PPEF2: variants seen among roughly 807,000 people sequenced by gnomAD.
PPEF2 encodes serine/threonine-protein phosphatase with EF-hands 2.
Under a neutral mutation model 84.7 loss-of-function variants are expected in PPEF2, and 84 were observed. The ratio of observed to expected loss-of-function variants is 0.99; its 90% CI spans 0.83 to 1.19. The LOEUF is 1.19. Ranked by LOEUF, PPEF2 falls within the 50% of genes most tolerant of loss-of-function variation. The probability of loss-of-function intolerance (pLI) is 0.00; values close to 1 mark genes in which losing one functional copy is unlikely to be tolerated. For missense variants in PPEF2, 924 were observed against 937.5 expected (o/e 0.99, Z 0.19); for synonymous variants, 346 against 345.2 (o/e 1.00, Z -0.03).
chr4:75,888,169 C>G (rs759523631), intron 6 of PPEF2, 45 bp downstream of exon 6: 120 of 1,439,236 alleles, frequency 8.3e-5, no homozygotes, highest in Middle Eastern at 3.7e-4. Flanking sequence ...GTAGAGCATT[C>G]TTCTTTGTGT....
chr4:75,876,016 C>G (rs904122056), intron 11 of PPEF2, among the ~76,000 whole-genome samples: 1 of 152,166 alleles, frequency 6.6e-6, no homozygotes, highest in Non-Finnish European at 1.5e-5. Flanking sequence ...ACAATAGCAT[C>G]CAACAAATCA....
chr4:75,893,252 C>T (rs113631320), intron 2 of PPEF2, among the ~76,000 whole-genome samples: 2,761 of 152,206 alleles, frequency 0.018, 79 homozygotes, highest in African/African-American at 0.062. Context: ...AATCCTAACA[C>T]TTTGGGAGGC....
chr4:75,897,339 C>T (rs2149230908), intron 1 of PPEF2, among the ~76,000 whole-genome samples: 1 of 152,312 alleles, frequency 6.6e-6, no homozygotes, highest in East Asian at 1.9e-4. Flanking sequence ...GTGGTATATG[C>T]TCCCTGGCTG....
rs373379414 is a variant in PPEF2, at chr4:75,891,665, G to T, written c.224C>A (p.Pro75His). 6 of 1,611,430 alleles carry T rather than the reference G, an allele frequency of 3.7e-6. No individual in the cohort carries two copies. The African/African-American group carries it at 8.0e-5, about 22-fold the overall frequency. The change falls in exon 4 of 17, where the codon CCC becomes CAC. Residue 75 changes from proline to histidine, a missense_variant. Coordinates refer to ENST00000286719, the MANE Select transcript of PPEF2 (RefSeq NM_006239.3). ...FFSYLMDHFI[P>H]SSHNDRDFLT... ...ATACTCACTGTCGTTGTGGCTGCTG[G>T]GGATGAAGTGATCCATGAGATAGCT...
intron 15 of PPEF2, 146 bp downstream of exon 15, chr4:75,866,043 C>A: frequency 1.1e-6 from 1 of 938,140 alleles, no homozygotes; most frequent in Non-Finnish European, 1.6e-6. Flanking sequence ...AAAAGCCTGA[C>A]ACATAGAAAC....
At chr4:75,892,835 C>A (rs964755403) in intron 2 of PPEF2, among the ~76,000 whole-genome samples, 5 of 152,182 alleles carry the variant, frequency 3.3e-5, no homozygotes, top group Admixed American at 2.6e-4. Flanking sequence ...TAACTAGATT[C>A]TTTTTAAGCT....
intron 1 of PPEF2, among the ~76,000 whole-genome samples, chr4:75,897,852 C>A (rs937397158): frequency 6.6e-6 from 1 of 152,108 alleles, no homozygotes; most frequent in South Asian, 2.1e-4. Flanking sequence ...AGACCCTAAC[C>A]CAGCGGTGCT....
At chr4:75,865,056 C>G (rs1225311114) in intron 15 of PPEF2, among the ~76,000 whole-genome samples, 1 of 151,928 alleles carries the variant, frequency 6.6e-6, no homozygotes, top group Admixed American at 6.6e-5. Flanking sequence ...CCTGTCTCGG[C>G]CTCCCAAGTA....
Position 75,890,029 on chromosome 4 carries a change from C to G in PPEF2, c.345G>C (p.Thr115=). 1.2e-6 allele frequency: 2 copies of G among 1,614,014 alleles called. No homozygotes were observed. Among genetic ancestry groups the G allele is most frequent in the Non-Finnish European group, 1.7e-6 (2 of 1,179,982 alleles). Reference sequence around the variant, plus strand: ...GGAGTGGGAAGGAGAGGCGTGGCCCCGTGTAACTGTCGGGTACCTCTATGG... The same window carrying G: ...GGAGTGGGAAGGAGAGGCGTGGCCCGGTGTAACTGTCGGGTACCTCTATGG... ...YESIEVPDSY[T]GPRLSFPLLP... Residue 115 remains threonine (T), a synonymous_variant, in exon 5 of 17, where the codon ACG becomes ACC. Transcript: ENST00000286719.
chr4:75,877,607 G>A (rs1724461268), intron 10 of PPEF2, among the ~76,000 whole-genome samples: 2 of 151,888 alleles, frequency 1.3e-5, no homozygotes, highest in Admixed American at 6.6e-5. Context: ...ACAGCAATAT[G>A]ACATTGTCAT....
At chr4:75,886,923 C>G in intron 6 of PPEF2, 25 bp from the exon 7 acceptor site, 1 of 1,311,014 alleles carries the variant, frequency 7.6e-7, no homozygotes, top group Admixed American at 2.1e-5. Flanking sequence ...AAAAGAATAT[C>G]AATTCTGATT....
rs1369362156 is a variant in PPEF2 at position 75,862,885 on chromosome 4, AG to A, written c.2008+1554del. 2.6e-5 allele frequency among the ~76,000 whole-genome samples: 4 copies of A among 152,254 alleles called. No homozygotes were observed. The East Asian group carries it at 7.7e-4, about 29-fold the overall frequency. ...AGCAGCATTGTTCATAATAGCCAAA[AG>A]TAGAAACAATCCAAAGTCAATCAAC... On this transcript the variant is annotated intron_variant, in intron 16 of 16. Transcript: ENST00000286719.
At chr4:75,878,784 T>C (rs116494679) in intron 10 of PPEF2, among the ~76,000 whole-genome samples, 1,804 of 152,302 alleles carry the variant, frequency 0.012, 40 homozygotes, top group African/African-American at 0.041. Flanking sequence ...AGGTATTTTA[T>C]TATTATATTT....
chr4:75,896,727 A>G (rs1008283265), intron 1 of PPEF2, among the ~76,000 whole-genome samples: 1 of 152,144 alleles, frequency 6.6e-6, no homozygotes, highest in Non-Finnish European at 1.5e-5. Context: ...TCAAGGGTAG[A>G]CTACAGTTTT....
At chr4:75,872,990 G>C (rs532761921) in intron 12 of PPEF2, 137 bp downstream of exon 12, 3 of 790,494 alleles carry the variant, frequency 3.8e-6, no homozygotes, top group Non-Finnish European at 5.9e-6. Context: ...AAAGGACCTA[G>C]TTGCTTTGAG....
chr4:75,901,350 T>C (rs1725116788), intron 1 of PPEF2, among the ~76,000 whole-genome samples: 1 of 152,024 alleles, frequency 6.6e-6, no homozygotes, highest in African/African-American at 2.4e-5. Flanking sequence ...ATCCTATCTC[T>C]ACTAAAAATA....
intron 8 of PPEF2, among the ~76,000 whole-genome samples, chr4:75,884,157 G>A (rs899975307): frequency 6.6e-5 from 10 of 151,602 alleles, no homozygotes; most frequent in Non-Finnish European, 4.4e-5. Flanking sequence ...GGCTGTGTGC[G>A]GTGGCTCACG....
Position 75,891,943 on chromosome 4 carries a change from G to C in PPEF2, c.91C>G (p.Arg31Gly). The change falls in exon 3 of 17, where the codon CGG becomes GGG. Residue 31 changes from arginine to glycine, a missense_variant. Transcript: ENST00000286719. The stretch of plus-strand genomic sequence containing the variant: ...ATCTCCAGGCGGGCCACGTAGCGCC[G>C]GTACCATCTCTGGATCAGGGCTGCT... ...KAAALIQRWY[R>G]RYVARLEMRR... The C allele has an allele frequency of 1.9e-6, 3 of 1,614,054 alleles. No individual in the cohort carries two copies. Among genetic ancestry groups the C allele is most frequent in the Non-Finnish European group, 2.5e-6 (3 of 1,179,972 alleles).
At chr4:75,874,127 CAAAT>C (rs10589641) in intron 11 of PPEF2, among the ~76,000 whole-genome samples, 131,220 of 150,264 alleles carry the variant, frequency 0.87, 59,925 homozygotes, top group Non-Finnish European at 1. Context: ...AACAAACAAA[CAAAT>C]AAATAAATAA....
Sources: gnomAD v4.1 joint callset for allele counts (sites outside exome capture counted in the v4.1 genomes callset) on GRCh38, gnomAD v4.1.1 for gene constraint, MANE v1.5 for transcripts, NCBI Gene and HGNC (gene_info 2026-07-23, HGNC 2026-07-21) for gene names.